The following PRDM11 variants were observed in gnomAD, a reference collection of about 807,000 sequenced individuals.
PRDM11 encodes PR domain-containing protein 11.
A neutral mutation model predicts 97.8 loss-of-function variants in PRDM11; 20 were observed. The observed-to-expected ratio is 0.20, with a 90% CI of 0.14 to 0.30. The LOEUF is 0.30. PRDM11 is among the 10% of genes least tolerant of loss of function. PRDM11 has a pLI of 1.00. For missense variants in PRDM11, 1,139 were observed against 1,555.2 expected (o/e 0.73, Z 4.50); for synonymous variants, 599 against 637.7 (o/e 0.94, Z 0.91).
chr11:45,135,805 A>G (rs1051959573), intron 1 of PRDM11, among the ~76,000 whole-genome samples: 1 of 152,216 alleles, frequency 6.6e-6, no homozygotes, highest in African/African-American at 2.4e-5. Context: ...TCCAAAACCC[A>G]TAATCCGAGT....
At chr11:45,204,675 G>T in intron 4 of PRDM11, 36 bp from the exon 5 acceptor site, 5 of 1,574,938 alleles carry the variant, frequency 3.2e-6, no homozygotes, top group Non-Finnish European at 4.4e-6. Context: ...AACCCCTCTA[G>T]AATGGCCCAT....
In PRDM11 at chr11:45,227,701, G is replaced by A; in HGVS notation, c.3076G>A (p.Val1026Ile). The change falls in exon 8 of 8, where the codon GTC becomes ATC. Residue 1026 changes from valine to isoleucine, a missense_variant. This residue lies in a region of PRDM11 where 710 missense variants were observed against 1,044.9 expected (regional missense o/e 0.68). Transcript: ENST00000683152. The surrounding 1 kb of genome is among the most constrained non-coding windows in gnomAD (Gnocchi z 8.0). ...GGCCATCCCGACCTTTTCCCGGGAT[G>A]TCTGTAGGGAAGGGCTGGACCCCCG... Reference protein sequence around the residue: ...LEAIPTFSRDVCREGLDPRGS... With the variant: ...LEAIPTFSRDICREGLDPRGS... 4 of 1,533,946 alleles carry A rather than the reference G, an allele frequency of 2.6e-6. No homozygotes were observed. Among genetic ancestry groups the A allele is most frequent in the Non-Finnish European group, 3.5e-6 (4 of 1,146,726 alleles).
intron 6 of PRDM11, among the ~76,000 whole-genome samples, chr11:45,221,111 A>T (rs1483225322): frequency 1.3e-5 from 2 of 152,238 alleles, no homozygotes; most frequent in Non-Finnish European, 2.9e-5. Context: ...AGCTATCTTT[A>T]AAAGCAAAAC....
At chr11:45,192,030 TGA>T (rs1180300698) in intron 4 of PRDM11, among the ~76,000 whole-genome samples, 1 of 152,000 alleles carries the variant, frequency 6.6e-6, no homozygotes, top group Admixed American at 6.6e-5. Flanking sequence ...CCGCCGTGTG[TGA>T]CTTTCCCCTC....
intron 5 of PRDM11, among the ~76,000 whole-genome samples, chr11:45,212,298 A>G (rs1853772515): frequency 1.3e-5 from 2 of 152,062 alleles, no homozygotes; most frequent in African/African-American, 4.8e-5. Flanking sequence ...GGGCCCACGC[A>G]CCTCAGGGAT....
At chr11:45,138,143 T>C (rs1159485009) in intron 1 of PRDM11, among the ~76,000 whole-genome samples, 1 of 152,096 alleles carries the variant, frequency 6.6e-6, no homozygotes, top group Non-Finnish European at 1.5e-5. Context: ...TCACCAGATA[T>C]TTGAAGAAAG....
upstream of PRDM11, chr11:45,095,740 T>G: frequency 1.4e-6 from 1 of 692,764 alleles, no homozygotes; most frequent in Middle Eastern, 3.3e-4. Context: ...GGAATGCAGA[T>G]TATGATGGCC....
intron 4 of PRDM11, among the ~76,000 whole-genome samples, chr11:45,191,834 T>G (rs1216211633): frequency 6.7e-6 from 1 of 150,218 alleles, no homozygotes; most frequent in Non-Finnish European, 1.5e-5. Flanking sequence ...ATTACTATTA[T>G]TATTATTTTA....
At chr11:45,160,497 T>C (rs1331141441) in intron 1 of PRDM11, among the ~76,000 whole-genome samples, 1 of 152,224 alleles carries the variant, frequency 6.6e-6, no homozygotes, top group East Asian at 1.9e-4. Flanking sequence ...TACGTACCAC[T>C]GCAGAGTGTG....
intron 5 of PRDM11, chr11:45,212,750 C>T (rs566802064): frequency 4.8e-5 from 22 of 456,346 alleles, no homozygotes; most frequent in African/African-American, 2.8e-4. Context: ...CGAGGTGTTC[C>T]GGCAGTTCTG....
At chr11:45,151,136 G>T (rs1029385311) in intron 1 of PRDM11, among the ~76,000 whole-genome samples, 2 of 152,206 alleles carry the variant, frequency 1.3e-5, no homozygotes, top group Middle Eastern at 3.2e-3. Context: ...ATCGGGGTTT[G>T]AGCATGGGGT....
intron 4 of PRDM11, among the ~76,000 whole-genome samples, chr11:45,186,817 G>A (rs1565303559): frequency 6.6e-6 from 1 of 152,174 alleles, no homozygotes; most frequent in Non-Finnish European, 1.5e-5. Context: ...TGCCCCTCTT[G>A]TTCTGACGAG....
At chr11:45,154,018 T>C (rs1851727684) in intron 1 of PRDM11, among the ~76,000 whole-genome samples, 1 of 152,316 alleles carries the variant, frequency 6.6e-6, no homozygotes, top group African/African-American at 2.4e-5. Flanking sequence ...GTTGCCTATT[T>C]GTATTACATA....
chr11:45,148,667 G>C (rs566044034), intron 1 of PRDM11, among the ~76,000 whole-genome samples: 1 of 152,186 alleles, frequency 6.6e-6, no homozygotes, highest in East Asian at 1.9e-4. Flanking sequence ...CTGAGTTACA[G>C]TTCTGTCGTC....
At chr11:45,213,388 C>T in intron 5 of PRDM11, 1 of 446,996 alleles carries the variant, frequency 2.2e-6, no homozygotes, top group Non-Finnish European at 4.5e-6. Flanking sequence ...TCCCACTTTC[C>T]AACCTTGGGG....
chr11:45,173,923 C>T (rs1852265675), intron 1 of PRDM11, among the ~76,000 whole-genome samples: 1 of 152,294 alleles, frequency 6.6e-6, no homozygotes, highest in African/African-American at 2.4e-5. Flanking sequence ...GAAAAGTGCA[C>T]ATATTGTAAA....
In PRDM11 at chr11:45,227,928, C is replaced by A; in HGVS notation, c.3303C>A (p.Asn1101Lys). The change falls in exon 8 of 8, where the codon AAC becomes AAA. Residue 1101 changes from asparagine (N) to lysine (K), a missense_variant. By Grantham distance (94) the Asn-to-Lys change is moderately conservative. Coordinates refer to ENST00000683152, the MANE Select transcript of PRDM11 (RefSeq NM_001384648.1). The surrounding 1 kb of genome is among the most constrained non-coding windows in gnomAD (Gnocchi z 8.0). ...ATGCCCTCCAGCGAGTTCGCAAAAACCACCGCTCCCGCCTGACCCTGGAGC... is the reference window on the plus strand; with the variant it reads ...ATGCCCTCCAGCGAGTTCGCAAAAAACACCGCTCCCGCCTGACCCTGGAGC... ...GRNALQRVRK[N>K]HRSRLTLEQL... The A allele has an allele frequency of 6.5e-7, 1 of 1,533,922 alleles. No individual in the cohort carries two copies. Among genetic ancestry groups the A allele is most frequent in the Non-Finnish European group, 8.7e-7 (1 of 1,146,732 alleles).
At chr11:45,117,842 T>C (rs1340651877) in intron 1 of PRDM11, among the ~76,000 whole-genome samples, 1 of 152,112 alleles carries the variant, frequency 6.6e-6, no homozygotes, top group Non-Finnish European at 1.5e-5. Context: ...GAGTACAGTA[T>C]GGAAAGAAGG....
intron 1 of PRDM11, among the ~76,000 whole-genome samples, chr11:45,172,385 G>A (rs919112971): frequency 1.3e-5 from 2 of 152,246 alleles, no homozygotes; most frequent in Non-Finnish European, 2.9e-5. Flanking sequence ...CCAATCACGT[G>A]TTCTTTCTGG....
Sources: gnomAD v4.1 joint callset for allele counts (sites outside exome capture counted in the v4.1 genomes callset) on GRCh38, gnomAD v4.1.1 for gene constraint, gnomAD v4.1.1 regional missense constraint, Gnocchi (gnomAD v3.1) non-coding constraint, MANE v1.5 for transcripts, NCBI Gene and HGNC (gene_info 2026-07-23, HGNC 2026-07-21) for gene names.